Variants in CUX1 observed in about 807,000 individuals in gnomAD.
The protein encoded by CUX1 is protein CASP.
CUX1 carries 31 observed loss-of-function variants against 158.8 expected under a neutral mutation model. The observed-to-expected ratio is 0.20, with a 90% CI of 0.15 to 0.26. CUX1 has a LOEUF of 0.26. Among genes scored for constraint, CUX1 ranks in the 10% least tolerant of loss-of-function variants. The pLI, the probability that CUX1 is intolerant of heterozygous loss-of-function variation, is 1.00. For synonymous variants in CUX1, 879 were observed against 862.1 expected, an observed-to-expected ratio of 1.02 and a Z score of -0.34; for missense variants, 1,589 against 2,014.6, an observed-to-expected ratio of 0.79 and a Z score of 4.04.
chr7:102,216,546 A>ACC (rs71123012), intron 20 of CUX1, among the ~76,000 whole-genome samples: 13,872 of 97,798 alleles, frequency 0.14, 1,261 homozygotes, highest in Middle Eastern at 0.18. Flanking sequence ...ACACACACAC[A>ACC]CCCACACACG....
intron 21 of CUX1, chr7:102,281,926 T>G: frequency 6.2e-7 from 1 of 1,601,252 alleles, no homozygotes; most frequent in South Asian, 1.1e-5. Flanking sequence ...TCCTGGTGAG[T>G]GTGCACACGG....
intron 2 of CUX1, among the ~76,000 whole-genome samples, chr7:102,002,435 G>C (rs935869394): frequency 6.6e-6 from 1 of 152,218 alleles, no homozygotes; most frequent in Admixed American, 6.5e-5. Flanking sequence ...ATTTGGGTGA[G>C]TTTTTTGCTC....
chr7:101,895,895 TTTTTTTG>T (rs1334777204), intron 1 of CUX1, among the ~76,000 whole-genome samples: 2 of 69,118 alleles, frequency 2.9e-5, no homozygotes, highest in African/African-American at 1.4e-4. Context: ...TGTAAAGTTT[TTTTTTTG>T]TTTTTGTTTT....
At chr7:102,239,176 C>T in intron 22 of CUX1, 144 bp from the exon 23 acceptor site, 1 of 973,684 alleles carries the variant, frequency 1.0e-6, no homozygotes, top group Non-Finnish European at 1.5e-6. Flanking sequence ...CATGAGCCAC[C>T]ATGCCCAGCC....
downstream of CUX1, among the ~76,000 whole-genome samples, chr7:102,259,741 T>TA (rs11306437): frequency 0.021 from 1,592 of 74,600 alleles, 32 homozygotes; most frequent in African/African-American, 0.087. Flanking sequence ...TAAGAAATGT[T>TA]AAAAAAAAAA....
At chr7:102,216,376 G>A (rs1464175356) in intron 20 of CUX1, among the ~76,000 whole-genome samples, 1 of 152,048 alleles carries the variant, frequency 6.6e-6, no homozygotes, top group Admixed American at 6.6e-5. Flanking sequence ...CCAAGTCTCA[G>A]AAATCTGGAA....
chr7:101,822,891 C>T (rs1278232870), intron 1 of CUX1, among the ~76,000 whole-genome samples: 1 of 144,154 alleles, frequency 6.9e-6, no homozygotes, highest in Non-Finnish European at 1.5e-5. Context: ...GGTGACAGAG[C>T]GAGACTCTGT....
intron 1 of CUX1, among the ~76,000 whole-genome samples, chr7:101,868,273 C>T (rs191716113): frequency 6.6e-6 from 1 of 152,196 alleles, no homozygotes; most frequent in Non-Finnish European, 1.5e-5. Flanking sequence ...AAACCTGTTG[C>T]ATCCATCCCC....
At chr7:102,156,349 A>G (rs1585953722) in intron 8 of CUX1, among the ~76,000 whole-genome samples, 2 of 152,270 alleles carry the variant, frequency 1.3e-5, no homozygotes, top group African/African-American at 4.8e-5. Context: ...GAGGGCTTCC[A>G]TGCTGCATCA....
At position 101,817,836 on chromosome 7, in the gene CUX1, A is replaced by G. The variant is rs1792046750; in HGVS notation, c.30+167A>G. The stretch of plus-strand genomic sequence containing the variant: ...CCCTGGGGAACTGCAGCTACTCCCA[A>G]CTGCTAAGGTGTGCGTGAAGATAAA... On this transcript the variant is annotated intron_variant, in intron 1 of 23. Coordinates refer to ENST00000292535, the MANE Select transcript of CUX1 (RefSeq NM_181552.4). This position sits in a 1 kb window ranked among gnomAD's most constrained non-coding sequence, Gnocchi z 4.1. Among the ~76,000 whole-genome samples, 2 of 152,190 alleles carry G rather than the reference A, an allele frequency of 1.3e-5. No homozygotes were observed. Among genetic ancestry groups the G allele is most frequent in the Admixed American group, 6.5e-5 (1 of 15,290 alleles).
At chr7:102,272,470 T>G (rs1791287500) in intron 14 of CUX1, among the ~76,000 whole-genome samples, 1 of 152,242 alleles carries the variant, frequency 6.6e-6, no homozygotes, top group Non-Finnish European at 1.5e-5. Context: ...TCTCCCTCTC[T>G]GCGGCCCCAA....
At chr7:102,162,399 A>G (rs28607250) in intron 9 of CUX1, among the ~76,000 whole-genome samples, 10,009 of 151,774 alleles carry the variant, frequency 0.066, 457 homozygotes, top group African/African-American at 0.12. Context: ...TCAGCCTCCC[A>G]AATAGCTGGG....
chr7:102,279,623 C>T (rs1694832562), intron 18 of CUX1, among the ~76,000 whole-genome samples: 1 of 152,178 alleles, frequency 6.6e-6, no homozygotes, highest in South Asian at 2.1e-4. Context: ...CCATCAGAGC[C>T]GCTCCTTGGC....
intron 1 of CUX1, among the ~76,000 whole-genome samples, chr7:101,890,399 G>A (rs1800749948): frequency 6.6e-6 from 1 of 152,056 alleles, no homozygotes; most frequent in African/African-American, 2.4e-5. Context: ...GGGGTTCAGA[G>A]CTCACATGAA....
At chr7:102,042,161 T>C (rs997916725) in intron 3 of CUX1, among the ~76,000 whole-genome samples, 2 of 152,268 alleles carry the variant, frequency 1.3e-5, no homozygotes, top group South Asian at 2.1e-4. Flanking sequence ...TTAGAGAAGG[T>C]TGGACCAGAT....
chr7:102,066,358 G>C (rs769447458), intron 3 of CUX1, among the ~76,000 whole-genome samples: 2 of 152,166 alleles, frequency 1.3e-5, no homozygotes, highest in African/African-American at 4.8e-5. Context: ...CACCTGCAGA[G>C]ACCCTAGCTC....
Position 101,903,596 on chromosome 7 carries a change from A to G in CUX1, c.31-12519A>G, listed in dbSNP as rs753985669. ...ATGTGGTTTGAGTAATCCATAAAGC[A>G]GAGCCCTTCTCGTTAGGGCTGAGAA... On this transcript the variant is annotated intron_variant, in intron 1 of 23. Coordinates refer to ENST00000292535, the MANE Select transcript of CUX1 (RefSeq NM_181552.4). Among the ~76,000 whole-genome samples the G allele has an allele frequency of 2.0e-5, 3 of 152,256 alleles. No individual in the cohort carries two copies. In the South Asian group the frequency reaches 6.2e-4, roughly 31 times the overall value.
Position 102,132,190 on chromosome 7 carries a change from ATAGATGGATGGGCGGG to A in CUX1, c.674+16919_674+16934del, listed in dbSNP as rs1563287928. ...GGTGGATAGATGGATGGGCGGGTGG[ATAGATGGATGGGCGGG>A]TGGATAGATGGATGGATGGACAGAC... On this transcript the variant is annotated intron_variant, in intron 8 of 23. Transcript: ENST00000292535. 5.0e-4 allele frequency among the ~76,000 whole-genome samples: 75 copies of A among 151,104 alleles called. 1 individual carries two copies. In the South Asian group the frequency reaches 9.1e-3, roughly 18 times the overall value.
intron 23 of CUX1, among the ~76,000 whole-genome samples, chr7:102,241,847 A>G (rs897327447): frequency 5.4e-4 from 82 of 152,210 alleles, no homozygotes; most frequent in African/African-American, 2.0e-3. Context: ...ACACGCACCT[A>G]CAGCCCCAGC....
Sources: allele counts gnomAD v4.1 joint callset (sites outside exome capture counted in the v4.1 genomes callset), GRCh38; gene constraint gnomAD v4.1.1; non-coding constraint Gnocchi (gnomAD v3.1); transcripts MANE v1.5; gene names NCBI Gene and HGNC (gene_info 2026-07-23, HGNC 2026-07-21).